The following SORCS1 variants were observed in gnomAD, a reference collection of about 807,000 sequenced individuals.
SORCS1 encodes the protein sortilin related VPS10 domain containing receptor 1, also known as VPS10 domain-containing receptor SorCS1.
In SORCS1, 60 loss-of-function variants were observed where a neutral mutation model predicts 146.1. The observed-to-expected ratio is 0.41, with a 90% CI of 0.33 to 0.51. The LOEUF (loss-of-function observed/expected upper bound fraction) is 0.51, where lower values mean the gene tolerates loss of function less well. SORCS1 is among the 20% of genes least tolerant of loss of function. The pLI is 0.21. For missense variants in SORCS1, 1,352 were observed against 1,487.6 expected (o/e 0.91, Z 1.50); for synonymous variants, 637 against 584.0 (o/e 1.09, Z -1.31).
At chr10:107,068,567 A>G (rs992104815) in intron 1 of SORCS1, among the ~76,000 whole-genome samples, 1 of 152,160 alleles carries the variant, frequency 6.6e-6, no homozygotes, top group Non-Finnish European at 1.5e-5. Flanking sequence ...AATCTATTTC[A>G]GAAAGCTCAC....
intron 2 of SORCS1, among the ~76,000 whole-genome samples, chr10:106,881,593 C>A (rs1225866150): frequency 6.6e-6 from 1 of 152,146 alleles, no homozygotes; most frequent in Non-Finnish European, 1.5e-5. Context: ...TTCTTCAAAT[C>A]CCACCTAATA....
chr10:106,753,672 G>C (rs1350460365), intron 5 of SORCS1, among the ~76,000 whole-genome samples: 4 of 150,482 alleles, frequency 2.7e-5, no homozygotes, highest in Non-Finnish European at 5.9e-5. Context: ...GCGATAATAG[G>C]CCAGGTATAT....
rs941399233 is a variant in SORCS1 at position 106,573,799 on chromosome 10, T to C, written c.*3621A>G. ...ACCTCAAGCCTGTGGTGTTTACTCT[T>C]TCTTATGCAATTAGCCTTTATGAAA... is the stretch of plus-strand genomic sequence containing the variant. On this transcript the variant is annotated 3_prime_UTR_variant, in exon 26 of 26. Coordinates refer to ENST00000263054, the MANE Select transcript of SORCS1 (RefSeq NM_052918.5). The C allele has an allele frequency of 1.3e-5, 2 of 152,482 alleles. No homozygotes were observed. Among genetic ancestry groups the C allele is most frequent in the African/African-American group, 4.8e-5 (2 of 41,444 alleles). The allele number at this position is 152,482 out of a possible 1,614,324, so 9.4% of individuals were successfully genotyped here.
chr10:107,166,309 C>A (rs952491123), upstream of SORCS1, among the ~76,000 whole-genome samples: 23 of 152,126 alleles, frequency 1.5e-4, no homozygotes, highest in Admixed American at 1.3e-3. Context: ...TAATGAAATT[C>A]TTTCTAATGT....
intron 18 of SORCS1, among the ~76,000 whole-genome samples, chr10:106,641,614 G>A (rs1052521205): frequency 2.0e-5 from 3 of 152,036 alleles, no homozygotes; most frequent in Non-Finnish European, 2.9e-5. Context: ...ATGCTTCTTG[G>A]GGAAGGCTAT....
chr10:106,837,987 C>A (rs528835229), intron 2 of SORCS1, among the ~76,000 whole-genome samples: 2 of 152,232 alleles, frequency 1.3e-5, no homozygotes, highest in African/African-American at 4.8e-5. Context: ...TCCATGGGAA[C>A]AGGGCTGATG....
At chr10:106,900,004 C>T (rs1366339225) in intron 2 of SORCS1, among the ~76,000 whole-genome samples, 2 of 151,886 alleles carry the variant, frequency 1.3e-5, no homozygotes, top group African/African-American at 4.8e-5. Context: ...CCATCTCTTC[C>T]TTCTCTGCAA....
At chr10:106,990,307 T>C (rs543133263) in intron 1 of SORCS1, among the ~76,000 whole-genome samples, 45 of 152,322 alleles carry the variant, frequency 3.0e-4, no homozygotes, top group African/African-American at 9.9e-4. Context: ...AGTTGCTCTG[T>C]TGCCCAGGTT....
At chr10:106,911,422 C>A (rs1952146265) in intron 2 of SORCS1, among the ~76,000 whole-genome samples, 1 of 152,132 alleles carries the variant, frequency 6.6e-6, no homozygotes, top group African/African-American at 2.4e-5. Flanking sequence ...ACAAAACCTG[C>A]AAATGTCCTT....
At chr10:106,720,255 G>C (rs1855688397) in intron 6 of SORCS1, among the ~76,000 whole-genome samples, 1 of 152,084 alleles carries the variant, frequency 6.6e-6, no homozygotes, top group African/African-American at 2.4e-5. Context: ...TGGCGTAGAT[G>C]TCCAACAATA....
At chr10:107,155,745 T>C (rs775918643) in intron 1 of SORCS1, among the ~76,000 whole-genome samples, 2 of 152,160 alleles carry the variant, frequency 1.3e-5, no homozygotes, top group Non-Finnish European at 2.9e-5. Context: ...TGATGGCCCA[T>C]GATTTTGTGT....
intron 3 of SORCS1, among the ~76,000 whole-genome samples, chr10:106,778,971 T>C (rs1268252857): frequency 6.6e-6 from 1 of 152,222 alleles, no homozygotes; most frequent in African/African-American, 2.4e-5. Context: ...GTATTTTTGA[T>C]ACCCATTTAT....
At chr10:106,801,404 A>G (rs1239061049) in intron 3 of SORCS1, among the ~76,000 whole-genome samples, 3 of 152,290 alleles carry the variant, frequency 2.0e-5, no homozygotes, top group Admixed American at 2.0e-4. Context: ...TTTATAAAAC[A>G]TCACAGTAAT....
At chr10:107,123,773 T>G (rs146989162) in intron 1 of SORCS1, among the ~76,000 whole-genome samples, 3 of 152,186 alleles carry the variant, frequency 2.0e-5, no homozygotes, top group South Asian at 4.1e-4. Flanking sequence ...TTCAGTTACT[T>G]CATTTGAAAA....
At chr10:106,650,293 C>A (rs1026282647) in intron 18 of SORCS1, among the ~76,000 whole-genome samples, 6 of 152,152 alleles carry the variant, frequency 3.9e-5, no homozygotes, top group African/African-American at 1.2e-4. Context: ...GTACAGAGGG[C>A]TTGTTCTAAT....
At chr10:107,046,440 A>G (rs1239185457) in intron 1 of SORCS1, among the ~76,000 whole-genome samples, 1 of 151,976 alleles carries the variant, frequency 6.6e-6, no homozygotes, top group African/African-American at 2.4e-5. Flanking sequence ...TGTAATATAT[A>G]TTTCTGTACT....
intron 2 of SORCS1, among the ~76,000 whole-genome samples, chr10:106,844,444 A>T (rs4918264): frequency 0.72 from 109,725 of 151,928 alleles, 40,764 homozygotes; most frequent in African/African-American, 0.91. Flanking sequence ...TGGTTTCAGG[A>T]CTTATGTTTA....
intron 2 of SORCS1, among the ~76,000 whole-genome samples, chr10:106,947,865 A>G (rs1333927402): frequency 6.6e-6 from 1 of 152,116 alleles, no homozygotes; most frequent in Admixed American, 6.6e-5. Context: ...AAAAGAAACT[A>G]GAGCTACAAA....
At chr10:107,177,365 A>G in the SORCS1 span, among the ~76,000 whole-genome samples, 11 of 152,156 alleles carry the variant, frequency 7.2e-5, no homozygotes, top group Non-Finnish European at 1.2e-4. Flanking sequence ...GTTTCCCCCA[A>G]TGGTAACATC....
Sources: allele counts gnomAD v4.1 joint callset (sites outside exome capture counted in the v4.1 genomes callset), GRCh38; gene constraint gnomAD v4.1.1; transcripts MANE v1.5; gene names NCBI Gene and HGNC (gene_info 2026-07-23, HGNC 2026-07-21).